Variants in ASB18 observed in about 807,000 individuals in gnomAD.
The protein encoded by ASB18 is ankyrin repeat and SOCS box containing 18.
Under a neutral mutation model 33.4 loss-of-function variants are expected in ASB18, and 33 were observed. The ratio of observed to expected loss-of-function variants is 0.99; its 90% CI spans 0.75 to 1.32. The LOEUF (loss-of-function observed/expected upper bound fraction) is 1.32. ASB18 is among the 40% of genes most tolerant of loss of function. The pLI, the probability that ASB18 is intolerant of heterozygous loss-of-function variation, is 0.00. For synonymous variants in ASB18, 295 were observed against 307.6 expected (o/e 0.96, Z 0.43); for missense variants, 694 against 655.5 (o/e 1.06, Z -0.64).
Position 236,264,102 on chromosome 2 carries a change from GTAAT to G in ASB18, c.205+35_205+38del. 6.3e-7 allele frequency: 1 copy of G among 1,584,024 alleles called. No individual in the cohort carries two copies. The highest frequency in any genetic ancestry group is 8.6e-7 in the Non-Finnish European group (1 of 1,156,360). On this transcript the variant is annotated intron_variant, in intron 1 of 5. Transcript: ENST00000409749. This position sits in a 1 kb window ranked among gnomAD's most constrained non-coding sequence, Gnocchi z 5.1. ...CTGCCCACCCCATCAGTGTAACTTA[GTAAT>G]TAAATCCCAGATGCAGCAGGCTCGT...
Position 236,215,261 on chromosome 2 carries a change from T to TG in ASB18, c.597-396dup, listed in dbSNP as rs1426007767. ...AGTCACAGTTCTAAGGAGAGGCCCT[T>TG]GGGGGTCAGACTCTTTCCCGGCCCC... On this transcript the variant is annotated intron_variant, in intron 3 of 5. Coordinates refer to ENST00000409749, the MANE Select transcript of ASB18 (RefSeq NM_212556.4). The surrounding 1 kb of genome is among the most constrained non-coding windows in gnomAD (Gnocchi z 7.2). Among the ~76,000 whole-genome samples, 1 of 152,094 alleles carries TG rather than the reference T, an allele frequency of 6.6e-6. No homozygotes were observed. Among genetic ancestry groups the TG allele is most frequent in the Non-Finnish European group, 1.5e-5 (1 of 68,024 alleles).
At chr2:236,254,105 T>C (rs1273516546) in intron 1 of ASB18, 1 of 152,184 alleles carries the variant, frequency 6.6e-6, no homozygotes, top group African/African-American at 2.4e-5. Flanking sequence ...TGCCCAATTC[T>C]GCCACGCTCA....
Position 236,214,145 on chromosome 2 carries a change from G to A in ASB18, c.1101+217C>T. 3.6e-6 allele frequency: 2 copies of A among 554,024 alleles called. No homozygotes were observed. The highest frequency in any genetic ancestry group is 3.6e-5 in the Admixed American group (1 of 27,734). 34.3% of individuals were successfully genotyped at this position (554,024 alleles called of 1,614,324 possible). A position where few individuals can be genotyped will look rare whatever the true frequency, so the allele number is the denominator to read the frequency against. On this transcript the variant is annotated intron_variant, in intron 4 of 5. Coordinates refer to ENST00000409749, the MANE Select transcript of ASB18 (RefSeq NM_212556.4). This position sits in a 1 kb window ranked among gnomAD's most constrained non-coding sequence, Gnocchi z 6.5. Reference sequence around the variant, plus strand: ...TCTAGGCCCCTGTTCCTCAAAATGGGGTCCCAGGAACAGCAGTCTAGGCCA... The same window carrying A: ...TCTAGGCCCCTGTTCCTCAAAATGGAGTCCCAGGAACAGCAGTCTAGGCCA...
At chr2:236,218,871 T>G (rs1030874213) in intron 3 of ASB18, among the ~76,000 whole-genome samples, 8 of 151,920 alleles carry the variant, frequency 5.3e-5, no homozygotes, top group African/African-American at 1.9e-4. Context: ...TAATTTTAAT[T>G]TTAATTAATT....
chr2:236,216,474 G>A lies in ASB18; in HGVS notation c.597-1608C>T, dbSNP rs1006732791. 2.0e-5 allele frequency among the ~76,000 whole-genome samples: 3 copies of A among 152,076 alleles called. No individual in the cohort carries two copies. The highest frequency in any genetic ancestry group is 7.2e-5 in the African/African-American group (3 of 41,406). On this transcript the variant is annotated intron_variant, in intron 3 of 5. Coordinates refer to ENST00000409749, the MANE Select transcript of ASB18 (RefSeq NM_212556.4). The surrounding 1 kb of genome is among the most constrained non-coding windows in gnomAD (Gnocchi z 6.1). ...AAGGCACTCCCTCTTGATCATCTTG[G>A]CCCAGAGTTAGTCGTCTTTGGCTTA...
At chr2:236,207,633 C>T (rs1296372347) in intron 4 of ASB18, among the ~76,000 whole-genome samples, 1 of 106,236 alleles carries the variant, frequency 9.4e-6, no homozygotes, top group Non-Finnish European at 1.8e-5. Context: ...GGGAGGGGGA[C>T]GAGGGCCTGG....
chr2:236,240,346 G>A (rs1479638129), intron 2 of ASB18, among the ~76,000 whole-genome samples: 1 of 152,168 alleles, frequency 6.6e-6, no homozygotes, highest in African/African-American at 2.4e-5. Flanking sequence ...TCTTCTCCCC[G>A]TGTGAGGTAT....
In ASB18 at chr2:236,225,359, A is replaced by G. The variant is rs2060532159; in HGVS notation, c.597-10493T>C. 6.6e-6 allele frequency among the ~76,000 whole-genome samples: 1 copy of G among 152,148 alleles called. No individual in the cohort carries two copies. Among genetic ancestry groups the G allele is most frequent in the African/African-American group, 2.4e-5 (1 of 41,442 alleles). ...AACTCCTGGGCTCAAGCGATCCTCTAGCCTTGGCCTCCTAAAATGATGGGA... is the reference window on the plus strand; with the variant it reads ...AACTCCTGGGCTCAAGCGATCCTCTGGCCTTGGCCTCCTAAAATGATGGGA... On this transcript the variant is annotated intron_variant, in intron 3 of 5. Coordinates refer to ENST00000409749, the MANE Select transcript of ASB18 (RefSeq NM_212556.4). This position sits in a 1 kb window ranked among gnomAD's most constrained non-coding sequence, Gnocchi z 5.1.
intron 4 of ASB18, among the ~76,000 whole-genome samples, chr2:236,206,192 T>G (rs1024228185): frequency 8.4e-4 from 78 of 92,514 alleles, no homozygotes; most frequent in East Asian, 6.1e-3. Flanking sequence ...TTTCTTGGGT[T>G]TTTTTTTTTT....
chr2:236,199,628 C>A (rs972266260), intron 4 of ASB18, among the ~76,000 whole-genome samples: 5 of 150,530 alleles, frequency 3.3e-5, no homozygotes, highest in Non-Finnish European at 5.9e-5. Flanking sequence ...GCACACTTTT[C>A]TCATTTGAAA....
At chr2:236,261,149 G>C (rs1316734104) in intron 1 of ASB18, among the ~76,000 whole-genome samples, 1 of 152,128 alleles carries the variant, frequency 6.6e-6, no homozygotes. Context: ...GATGCTTAGA[G>C]ATGATCCACA....
chr2:236,236,204 A>G (rs1487937768), intron 3 of ASB18, among the ~76,000 whole-genome samples: 1 of 152,244 alleles, frequency 6.6e-6, no homozygotes, highest in African/African-American at 2.4e-5. Flanking sequence ...CTACCCAGGA[A>G]TAAAAGGAAT....
rs1576401168 is a variant in ASB18 at position 236,221,963 on chromosome 2, T to A, written c.597-7097A>T. The stretch of plus-strand genomic sequence containing the variant: ...GCTGAAGGCTGGGTCCCAGGGTGGG[T>A]GCTGGGCATGTGCCAGCCTATGGGG... On this transcript the variant is annotated intron_variant, in intron 3 of 5. Transcript: ENST00000409749. This position sits in a 1 kb window ranked among gnomAD's most constrained non-coding sequence, Gnocchi z 5.6. 6.6e-6 allele frequency among the ~76,000 whole-genome samples: 1 copy of A among 152,104 alleles called. No individual in the cohort carries two copies. Among genetic ancestry groups the A allele is most frequent in the Non-Finnish European group, 1.5e-5 (1 of 68,022 alleles).
In ASB18 at chr2:236,231,203, G is replaced by A. The variant is rs2060563372; in HGVS notation, c.596+6486C>T. Among the ~76,000 whole-genome samples, 1 of 152,152 alleles carries A rather than the reference G, an allele frequency of 6.6e-6. No homozygotes were observed. The highest frequency in any genetic ancestry group is 1.5e-5 in the Non-Finnish European group (1 of 68,028). Reference sequence around the variant, plus strand: ...GAAGATTGTAAATTCCATCTTGCAAGCAGATTGTCTCTATTGTCTTCTCAG... The same window carrying A: ...GAAGATTGTAAATTCCATCTTGCAAACAGATTGTCTCTATTGTCTTCTCAG... On this transcript the variant is annotated intron_variant, in intron 3 of 5. Coordinates refer to ENST00000409749, the MANE Select transcript of ASB18 (RefSeq NM_212556.4). The surrounding 1 kb of genome is among the most constrained non-coding windows in gnomAD (Gnocchi z 5.5).
rs1374995300 is a variant in ASB18, at chr2:236,200,516, G to A, written c.1102-4131C>T. ...CTGGGCTGAAGGGCCAGTCAGGTGA[G>A]CTGTCGTAGCAGAAGCAGCAGTCCT... On this transcript the variant is annotated intron_variant, in intron 4 of 5. Transcript: ENST00000409749. This position sits in a 1 kb window ranked among gnomAD's most constrained non-coding sequence, Gnocchi z 4.2. Among the ~76,000 whole-genome samples, 1 of 152,238 alleles carries A rather than the reference G, an allele frequency of 6.6e-6. No homozygotes were observed. Among genetic ancestry groups the A allele is most frequent in the Admixed American group, 6.5e-5 (1 of 15,292 alleles).
chr2:236,241,601 T>G lies in ASB18; in HGVS notation c.206-199A>C. On this transcript the variant is annotated intron_variant, in intron 1 of 5. Transcript: ENST00000409749. The surrounding 1 kb of genome is among the most constrained non-coding windows in gnomAD (Gnocchi z 4.2). The stretch of plus-strand genomic sequence containing the variant: ...GAGTGTGAGCTATTTCTATTGTCAT[T>G]ACTCAATTGTCATCCAGTTGGGGCT... 1.5e-6 allele frequency: 1 copy of G among 681,254 alleles called. No individual in the cohort carries two copies. The highest frequency in any genetic ancestry group is 2.7e-5 in the East Asian group (1 of 36,960). 42.2% of individuals were successfully genotyped at this position (681,254 alleles called of 1,614,324 possible).
Position 236,241,467 on chromosome 2 carries a change from T to C in ASB18, c.206-65A>G, listed in dbSNP as rs762722962. 3 of 1,600,218 alleles carry C rather than the reference T, an allele frequency of 1.9e-6. No individual in the cohort carries two copies. Among genetic ancestry groups the C allele is most frequent in the Non-Finnish European group, 2.6e-6 (3 of 1,169,736 alleles). On this transcript the variant is annotated intron_variant, in intron 1 of 5. Coordinates refer to ENST00000409749, the MANE Select transcript of ASB18 (RefSeq NM_212556.4). This position sits in a 1 kb window ranked among gnomAD's most constrained non-coding sequence, Gnocchi z 4.2. ...CTGCTCTAGCTTGAGGATCCTTCTC[T>C]GTCTTTTGAAATATTTGAAGTTTTC... is the stretch of plus-strand genomic sequence containing the variant.
chr2:236,223,233 A>C lies in ASB18; in HGVS notation c.597-8367T>G, dbSNP rs1290200592. 6.6e-6 allele frequency among the ~76,000 whole-genome samples: 1 copy of C among 152,242 alleles called. No individual in the cohort carries two copies. Among genetic ancestry groups the C allele is most frequent in the Admixed American group, 6.5e-5 (1 of 15,284 alleles). On this transcript the variant is annotated intron_variant, in intron 3 of 5. Transcript: ENST00000409749. The surrounding 1 kb of genome is among the most constrained non-coding windows in gnomAD (Gnocchi z 4.6). ...ACAGTGTCAAGTATTTCTTTATAGC[A>C]GTGCAAGAATGGCCTAATACACTTC...
rs954262056 is a variant in ASB18, at chr2:236,249,756, C to A, written c.206-8354G>T. ...AATTTCTGTGGTCTTTTGCTGCAGA[C>A]CATGAAGTGAATTTAGGAAAAGGAA... On this transcript the variant is annotated intron_variant, in intron 1 of 5. Transcript: ENST00000409749. The surrounding 1 kb of genome is among the most constrained non-coding windows in gnomAD (Gnocchi z 4.6). 6.6e-6 allele frequency: 1 copy of A among 151,986 alleles called. No homozygotes were observed. The highest frequency in any genetic ancestry group is 1.5e-5 in the Non-Finnish European group (1 of 68,006). 9.4% of individuals were successfully genotyped at this position (151,986 alleles called of 1,614,324 possible). A position where few individuals can be genotyped will look rare whatever the true frequency, so the allele number is the denominator to read the frequency against.
Sources: gnomAD v4.1 joint callset for allele counts (sites outside exome capture counted in the v4.1 genomes callset) on GRCh38, gnomAD v4.1.1 for gene constraint, Gnocchi (gnomAD v3.1) non-coding constraint, MANE v1.5 for transcripts, NCBI Gene and HGNC (gene_info 2026-07-23, HGNC 2026-07-21) for gene names.